The following MRAS variants were observed in gnomAD, a reference collection of about 807,000 sequenced individuals.
The protein encoded by MRAS is muscle RAS oncogene homolog.
Under a neutral mutation model 20.9 loss-of-function variants are expected in MRAS, and 4 were observed. The observed-to-expected ratio is 0.19, with a 90% confidence interval of 0.09 to 0.44. The LOEUF (loss-of-function observed/expected upper bound fraction) is 0.44, where lower values mean the gene tolerates loss of function less well. MRAS is among the 20% of genes least tolerant of loss of function. MRAS has a pLI of 0.99. For missense variants in MRAS, 154 were observed against 277.5 expected (o/e 0.56, Z 3.16); for synonymous variants, 98 against 102.9 (o/e 0.95, Z 0.29).
intron 1 of MRAS, among the ~76,000 whole-genome samples, chr3:138,352,822 T>G (rs1462624516): frequency 1.3e-5 from 2 of 152,226 alleles, no homozygotes; most frequent in South Asian, 2.1e-4. Context: ...GGAGCTCTGG[T>G]TCTGGCCTCT....
intron 2 of MRAS, among the ~76,000 whole-genome samples, chr3:138,375,395 C>T (rs1383420931): frequency 2.6e-5 from 4 of 152,144 alleles, no homozygotes; most frequent in Non-Finnish European, 2.9e-5. Flanking sequence ...CCTCATAGAA[C>T]GAGTTTTATT....
intron 1 of MRAS, among the ~76,000 whole-genome samples, chr3:138,352,276 A>G (rs2054244482): frequency 6.6e-6 from 1 of 152,206 alleles, no homozygotes; most frequent in South Asian, 2.1e-4. Flanking sequence ...TGTGTGATGC[A>G]GTTGGTTCCA....
At chr3:138,379,311 A>G (rs1306562937) in intron 2 of MRAS, among the ~76,000 whole-genome samples, 2 of 150,998 alleles carry the variant, frequency 1.3e-5, no homozygotes, top group Admixed American at 1.3e-4. Context: ...TTCACTTAAC[A>G]TAATGACCTC....
chr3:138,367,402 G>T (rs1471298929), intron 1 of MRAS, among the ~76,000 whole-genome samples: 2 of 152,194 alleles, frequency 1.3e-5, no homozygotes, highest in African/African-American at 4.8e-5. Context: ...CTGCCTGGCT[G>T]TGGAGTTGAG....
chr3:138,352,728 C>G (rs1241194488), intron 1 of MRAS, among the ~76,000 whole-genome samples: 1 of 151,986 alleles, frequency 6.6e-6, no homozygotes, highest in African/African-American at 2.4e-5. Flanking sequence ...GGTTGTAGTG[C>G]TAGTAAGATT....
Position 138,402,159 on chromosome 3 carries a change from T to C in MRAS, c.528-11T>C. The C allele has an allele frequency of 6.2e-7, 1 of 1,613,520 alleles. No individual in the cohort carries two copies. Among genetic ancestry groups the C allele is most frequent in the Non-Finnish European group, 8.5e-7 (1 of 1,179,516 alleles). ...CTGACTTTGTCTTTCTGTCCTTCAT[T>C]GTTTCAAAAGGCAACAGATTCCGGA... On this transcript the variant is annotated splice_polypyrimidine_tract_variant and intron_variant, in intron 5 of 5. Coordinates refer to ENST00000423968, the MANE Select transcript of MRAS (RefSeq NM_001085049.3).
chr3:138,393,026 A>G (rs1317698040), intron 2 of MRAS, among the ~76,000 whole-genome samples: 1 of 152,136 alleles, frequency 6.6e-6, no homozygotes, highest in Non-Finnish European at 1.5e-5. Flanking sequence ...GTTATGCTAT[A>G]TATGTATGTG....
At chr3:138,360,691 C>G (rs1407879702) in intron 1 of MRAS, among the ~76,000 whole-genome samples, 2 of 152,236 alleles carry the variant, frequency 1.3e-5, no homozygotes, top group Non-Finnish European at 1.5e-5. Context: ...CACATCACCT[C>G]TGTCCTACTG....
At position 138,398,524 on chromosome 3, in the gene MRAS, A is replaced by C; in HGVS notation, c.403A>C (p.Lys135Gln). 1 of 1,614,198 alleles carries C rather than the reference A, an allele frequency of 6.2e-7. No homozygotes were observed. Among genetic ancestry groups the C allele is most frequent in the African/African-American group, 1.3e-5 (1 of 75,044 alleles). ...CAAGGTCGATTTGATGCACTTGAGG[A>C]AGATCACCAGGGAGCAAGGAAAAGA... ...ANKVDLMHLR[K>Q]ITREQGKEMA... The change falls in exon 4 of 6, where the codon AAG (lysine) becomes CAG (glutamine). Residue 135 changes from lysine to glutamine, a missense_variant. Lys to Gln is a moderately conservative substitution (Grantham distance 53). Around this residue, in one of 3 missense-constraint regions of MRAS, gnomAD observed 125 missense variants for 213.5 expected, o/e 0.59. Coordinates refer to ENST00000423968, the MANE Select transcript of MRAS (RefSeq NM_001085049.3).
chr3:138,377,947 T>C (rs2054819427), intron 2 of MRAS, among the ~76,000 whole-genome samples: 1 of 152,244 alleles, frequency 6.6e-6, no homozygotes, highest in Non-Finnish European at 1.5e-5. Flanking sequence ...TGTTTTATAG[T>C]TGAAGAAAAT....
At chr3:138,388,461 G>A (rs2055062625) in intron 2 of MRAS, among the ~76,000 whole-genome samples, 1 of 152,198 alleles carries the variant, frequency 6.6e-6, no homozygotes, top group Non-Finnish European at 1.5e-5. Context: ...CACTTTGGGA[G>A]GCCAAGGCGG....
chr3:138,387,305 T>G (rs2055037764), intron 2 of MRAS, among the ~76,000 whole-genome samples: 1 of 152,180 alleles, frequency 6.6e-6, no homozygotes, highest in Non-Finnish European at 1.5e-5. Context: ...GAGAGTTTGG[T>G]GTAAGCAAGT....
rs186811442 is a variant in MRAS at position 138,353,755 on chromosome 3, T to A, written c.-19+4988T>A. Among the ~76,000 whole-genome samples the A allele has an allele frequency of 2.6e-5, 4 of 152,354 alleles. No homozygotes were observed. In the East Asian group the frequency reaches 5.8e-4, roughly 22 times the overall value. ...GACTTGTGGGCTGGACCCTGTACTG[T>A]ATACTTTATATTCGCTATCTCTAAG... is the stretch of plus-strand genomic sequence containing the variant. On this transcript the variant is annotated intron_variant, in intron 1 of 5. Transcript: ENST00000423968.
chr3:138,357,526 A>G (rs2054360138), intron 1 of MRAS, among the ~76,000 whole-genome samples: 1 of 152,214 alleles, frequency 6.6e-6, no homozygotes, highest in East Asian at 1.9e-4. Flanking sequence ...TACATCCCCC[A>G]GTATTTCTTA....
At chr3:138,401,406 A>G (rs1355079559) in intron 5 of MRAS, among the ~76,000 whole-genome samples, 2 of 152,158 alleles carry the variant, frequency 1.3e-5, no homozygotes. Flanking sequence ...CAAAAAGCTC[A>G]TCTTCTCATT....
In MRAS at chr3:138,402,298, G is replaced by A. The variant is rs367807302; in HGVS notation, c.*29G>A. ...GCCTGAGGCCCTGGGCACAGTGACG[G>A]TGGCCTGGCCAGCCCTCGGGACCCC... On this transcript the variant is annotated 3_prime_UTR_variant, in exon 6 of 6. Transcript: ENST00000423968. The A allele has an allele frequency of 6.3e-7, 1 of 1,599,016 alleles. No homozygotes were observed. Among genetic ancestry groups the A allele is most frequent in the African/African-American group, 1.3e-5 (1 of 74,546 alleles).
intron 1 of MRAS, among the ~76,000 whole-genome samples, chr3:138,370,583 C>T (rs188545671): frequency 1.1e-4 from 16 of 152,098 alleles, no homozygotes; most frequent in Admixed American, 8.5e-4. Context: ...CAGCCCGTCC[C>T]GTGTTGTAGG....
At chr3:138,395,365 T>G (rs1344177283) in intron 2 of MRAS, among the ~76,000 whole-genome samples, 13 of 152,056 alleles carry the variant, frequency 8.5e-5, no homozygotes, top group Admixed American at 8.5e-4. Context: ...GCCCAAACTC[T>G]CCAGTGGCCC....
intron 2 of MRAS, among the ~76,000 whole-genome samples, chr3:138,396,076 G>A (rs916947043): frequency 6.6e-6 from 1 of 152,180 alleles, no homozygotes; most frequent in Non-Finnish European, 1.5e-5. Context: ...GTCAGAGTCC[G>A]CTCACCAAGG....
Sources: gnomAD v4.1 joint callset for allele counts (sites outside exome capture counted in the v4.1 genomes callset) on GRCh38, gnomAD v4.1.1 for gene constraint, gnomAD v4.1.1 regional missense constraint, MANE v1.5 for transcripts, NCBI Gene and HGNC (gene_info 2026-07-23, HGNC 2026-07-21) for gene names.